Variants in PIK3C2G observed in about 807,000 individuals in gnomAD.
PIK3C2G encodes phosphatidylinositol-4-phosphate 3-kinase catalytic subunit type 2 gamma.
PIK3C2G carries 168 observed loss-of-function variants against 181.1 expected under a neutral mutation model. The observed-to-expected ratio is 0.93, with a 90% CI of 0.82 to 1.05. The LOEUF (loss-of-function observed/expected upper bound fraction) is 1.05, where lower values mean the gene tolerates loss of function less well. PIK3C2G is among the 50% of genes least tolerant of loss of function. The pLI, the probability that PIK3C2G is intolerant of heterozygous loss-of-function variation, is 0.00. For synonymous variants in PIK3C2G, 573 were observed against 592.2 expected, an observed-to-expected ratio of 0.97 and a Z score of 0.47; for missense variants, 1,869 against 1,732.8, an observed-to-expected ratio of 1.08 and a Z score of -1.40.
intron 24 of PIK3C2G, among the ~76,000 whole-genome samples, chr12:18,521,075 G>A (rs1162275560): frequency 6.6e-6 from 1 of 152,074 alleles, no homozygotes; most frequent in Admixed American, 6.5e-5. Flanking sequence ...CATGTGTGGA[G>A]ATGTCACTCG....
chr12:18,424,466 C>A (rs1945674798), intron 18 of PIK3C2G, among the ~76,000 whole-genome samples: 1 of 152,154 alleles, frequency 6.6e-6, no homozygotes, highest in South Asian at 2.1e-4. Context: ...TATACTCATT[C>A]TGTTGAAAAT....
chr12:18,352,436 G>A (rs901961395), intron 11 of PIK3C2G, among the ~76,000 whole-genome samples: 1 of 152,162 alleles, frequency 6.6e-6, no homozygotes, highest in African/African-American at 2.4e-5. Context: ...GTGAGTGGGT[G>A]CAGGGGCCAG....
the PIK3C2G span, among the ~76,000 whole-genome samples, chr12:18,719,956 G>A: frequency 6.6e-6 from 1 of 152,036 alleles, no homozygotes; most frequent in Non-Finnish European, 1.5e-5. Flanking sequence ...TGGCACACAG[G>A]TTGAGGAACA....
rs1950263297 is a variant in PIK3C2G, at chr12:18,648,338, G to T, written c.*310G>T. 4.3e-6 allele frequency: 1 copy of T among 230,314 alleles called. No individual in the cohort carries two copies. Among genetic ancestry groups the T allele is most frequent in the South Asian group, 1.8e-4 (1 of 5,482 alleles). The allele number at this position is 230,314 out of a possible 1,614,324, so 14.3% of individuals were successfully genotyped here. A position where few individuals can be genotyped will look rare whatever the true frequency, so the allele number is the denominator to read the frequency against. On this transcript the variant is annotated 3_prime_UTR_variant, in exon 33 of 33. Coordinates refer to ENST00000538779, the MANE Select transcript of PIK3C2G (RefSeq NM_001288772.2). ...ACATAGGTTTACATTTGTTTTAATT[G>T]TGTGCCTACAGTTAAAAGCAGTATT...
chr12:18,513,483 G>A (rs1942341108), intron 24 of PIK3C2G, among the ~76,000 whole-genome samples: 3 of 151,372 alleles, frequency 2.0e-5, no homozygotes, highest in Admixed American at 2.0e-4. Flanking sequence ...CTCATTATTG[G>A]GCTATTCAGA....
chr12:18,261,035 GA>G (rs1194839111), upstream of PIK3C2G, among the ~76,000 whole-genome samples: 12 of 151,834 alleles, frequency 7.9e-5, 2 homozygotes, highest in Admixed American at 7.9e-4. Flanking sequence ...TTCTAAATTA[GA>G]AAAAAATGAA....
At chr12:18,700,331 T>G in the PIK3C2G span, among the ~76,000 whole-genome samples, 1 of 151,924 alleles carries the variant, frequency 6.6e-6, no homozygotes, top group African/African-American at 2.4e-5. Context: ...CAACCTGGCA[T>G]CTATTTCTTT....
intron 1 of PIK3C2G, among the ~76,000 whole-genome samples, chr12:18,265,404 AT>A (rs1948442001): frequency 2.6e-5 from 4 of 152,230 alleles, no homozygotes; most frequent in Non-Finnish European, 5.9e-5. Flanking sequence ...AGCTAAATAT[AT>A]ATAGTATAAA....
At chr12:18,387,505 C>T (rs1362893496) in intron 14 of PIK3C2G, among the ~76,000 whole-genome samples, 1 of 152,076 alleles carries the variant, frequency 6.6e-6, no homozygotes, top group Non-Finnish European at 1.5e-5. Flanking sequence ...GAATACTGTT[C>T]CCTGTCTATA....
intron 30 of PIK3C2G, among the ~76,000 whole-genome samples, chr12:18,604,767 G>A (rs1323167158): frequency 1.3e-5 from 2 of 152,116 alleles, no homozygotes; most frequent in Non-Finnish European, 2.9e-5. Flanking sequence ...CAAATACATG[G>A]AAATTAAATA....
chr12:18,711,170 G>C, the PIK3C2G span, among the ~76,000 whole-genome samples: 6 of 151,790 alleles, frequency 4.0e-5, no homozygotes, highest in Non-Finnish European at 7.4e-5. Context: ...TTAAGAAAAT[G>C]GGGAACATAT....
intron 18 of PIK3C2G, 27 bp from the exon 19 acceptor site, chr12:18,488,422 G>A: frequency 6.9e-7 from 1 of 1,450,726 alleles, no homozygotes; most frequent in Non-Finnish European, 9.1e-7. Flanking sequence ...TTACATACAA[G>A]AATTTTTTTC....
chr12:18,623,276 T>C (rs1948945146), intron 31 of PIK3C2G, among the ~76,000 whole-genome samples: 1 of 151,762 alleles, frequency 6.6e-6, no homozygotes, highest in South Asian at 2.1e-4. Flanking sequence ...ACCCAATTTT[T>C]CCAACACCAT....
At chr12:18,536,314 G>A (rs752078724) in intron 24 of PIK3C2G, among the ~76,000 whole-genome samples, 25 of 152,210 alleles carry the variant, frequency 1.6e-4, no homozygotes, top group Admixed American at 7.9e-4. Context: ...AAAATTTGGT[G>A]AGTGCTTACT....
intron 11 of PIK3C2G, among the ~76,000 whole-genome samples, chr12:18,356,621 G>A (rs1197763896): frequency 6.6e-6 from 1 of 152,086 alleles, no homozygotes; most frequent in Non-Finnish European, 1.5e-5. Context: ...AATTGAAGAT[G>A]GTAAATGTGG....
chr12:18,670,294 G>A, the PIK3C2G span, among the ~76,000 whole-genome samples: 14 of 150,220 alleles, frequency 9.3e-5, no homozygotes, highest in East Asian at 3.9e-4. Flanking sequence ...ACACATATGC[G>A]CACACACACA....
At chr12:18,668,584 T>C in the PIK3C2G span, among the ~76,000 whole-genome samples, 1 of 152,144 alleles carries the variant, frequency 6.6e-6, no homozygotes, top group Non-Finnish European at 1.5e-5. Context: ...ACCATCATCT[T>C]CTGGCACACT....
intron 32 of PIK3C2G, among the ~76,000 whole-genome samples, chr12:18,647,350 C>T (rs1413642179): frequency 5.3e-5 from 8 of 151,600 alleles, no homozygotes; most frequent in East Asian, 1.9e-4. Flanking sequence ...TTGGGTGCTA[C>T]GTTCACTACT....
chr12:18,573,221 T>A (rs891470691), intron 29 of PIK3C2G, among the ~76,000 whole-genome samples: 1 of 152,210 alleles, frequency 6.6e-6, no homozygotes, highest in African/African-American at 2.4e-5. Flanking sequence ...AAGAATTAAA[T>A]ATAGGGACAT....
Sources: allele counts gnomAD v4.1 joint callset (sites outside exome capture counted in the v4.1 genomes callset), GRCh38; gene constraint gnomAD v4.1.1; transcripts MANE v1.5; gene names NCBI Gene and HGNC (gene_info 2026-07-23, HGNC 2026-07-21).